The following SPIDR variants were observed in gnomAD, a reference collection of about 807,000 sequenced individuals.
SPIDR encodes scaffold protein involved in DNA repair.
A neutral mutation model predicts 104.6 loss-of-function variants in SPIDR; 93 were observed. The observed-to-expected ratio is 0.89, with a 90% confidence interval of 0.75 to 1.06. SPIDR has a LOEUF of 1.06. Among genes scored for constraint, SPIDR ranks in the 50% least tolerant of loss-of-function variants. SPIDR has a pLI of 0.00. For missense variants in SPIDR, 1,154 were observed against 1,111.2 expected (o/e 1.04, Z -0.55); for synonymous variants, 431 against 416.9 (o/e 1.03, Z -0.41).
intron 10 of SPIDR, among the ~76,000 whole-genome samples, chr8:47,599,675 T>C (rs2062031064): frequency 6.6e-6 from 1 of 152,244 alleles, no homozygotes; most frequent in South Asian, 2.1e-4. Flanking sequence ...GTCGTCTGTC[T>C]GCACCATCCA....
At chr8:47,548,463 C>CA (rs1342121631) in intron 8 of SPIDR, among the ~76,000 whole-genome samples, 1 of 152,202 alleles carries the variant, frequency 6.6e-6, no homozygotes, top group Non-Finnish European at 1.5e-5. Context: ...GCCTGGCCAA[C>CA]ATGGTGAAAC....
intron 10 of SPIDR, among the ~76,000 whole-genome samples, chr8:47,624,241 G>A (rs190051252): frequency 9.8e-4 from 150 of 152,342 alleles, no homozygotes; most frequent in Admixed American, 2.5e-3. Flanking sequence ...AAAGCAGTGT[G>A]TAGAGGGAAA....
chr8:47,683,936 G>A (rs1048354511), intron 11 of SPIDR, among the ~76,000 whole-genome samples: 3 of 151,692 alleles, frequency 2.0e-5, no homozygotes, highest in Non-Finnish European at 2.9e-5. Context: ...ACCATCCTGG[G>A]TAACATGATG....
chr8:47,457,627 C>A (rs1311191075), intron 8 of SPIDR, among the ~76,000 whole-genome samples: 1 of 151,954 alleles, frequency 6.6e-6, no homozygotes, highest in Non-Finnish European at 1.5e-5. Context: ...GTTTTTGTTG[C>A]ATTTGCTTTT....
At chr8:47,363,531 G>C (rs1168996040) in intron 5 of SPIDR, among the ~76,000 whole-genome samples, 6 of 151,106 alleles carry the variant, frequency 4.0e-5, no homozygotes, top group Non-Finnish European at 8.8e-5. Flanking sequence ...AGGTCAAAGA[G>C]TATTTCAGAC....
At chr8:47,663,732 C>G (rs925948167) in intron 10 of SPIDR, among the ~76,000 whole-genome samples, 39 of 152,328 alleles carry the variant, frequency 2.6e-4, no homozygotes, top group African/African-American at 8.4e-4. Context: ...CAAATACTCT[C>G]AAGACTTATA....
chr8:47,582,893 GACAC>G (rs138228476), intron 8 of SPIDR, among the ~76,000 whole-genome samples: 1 of 141,912 alleles, frequency 7.0e-6, no homozygotes, highest in Non-Finnish European at 1.6e-5. Flanking sequence ...CTTTCCACCA[GACAC>G]ACACACACAC....
intron 11 of SPIDR, among the ~76,000 whole-genome samples, chr8:47,677,111 C>T (rs770691141): frequency 6.6e-6 from 1 of 152,202 alleles, no homozygotes; most frequent in Non-Finnish European, 1.5e-5. Flanking sequence ...CTTCCTTCCT[C>T]TCCGGGGCAC....
At chr8:47,288,603 A>G (rs1188260819) in intron 3 of SPIDR, among the ~76,000 whole-genome samples, 8 of 152,172 alleles carry the variant, frequency 5.3e-5, no homozygotes, top group Non-Finnish European at 1.2e-4. Flanking sequence ...TTCTTGACTT[A>G]TTTTTCAGAT....
intron 5 of SPIDR, among the ~76,000 whole-genome samples, chr8:47,369,305 A>G (rs2057682995): frequency 6.6e-6 from 1 of 152,232 alleles, no homozygotes; most frequent in African/African-American, 2.4e-5. Context: ...CCTTTTGTGG[A>G]CTAGCTTTAC....
intron 10 of SPIDR, among the ~76,000 whole-genome samples, chr8:47,601,210 A>G (rs1409444469): frequency 1.3e-5 from 2 of 152,218 alleles, no homozygotes; most frequent in Non-Finnish European, 2.9e-5. Context: ...ATGAATATGC[A>G]TTCTGTGTGA....
At chr8:47,451,467 G>C (rs2071711064) in intron 8 of SPIDR, among the ~76,000 whole-genome samples, 1 of 152,010 alleles carries the variant, frequency 6.6e-6, no homozygotes, top group African/African-American at 2.4e-5. Flanking sequence ...CTGCAGTCCA[G>C]CTACTTGGGA....
At chr8:47,437,587 CA>C (rs1268209083) in intron 7 of SPIDR, among the ~76,000 whole-genome samples, 1 of 152,050 alleles carries the variant, frequency 6.6e-6, no homozygotes, top group Non-Finnish European at 1.5e-5. Flanking sequence ...AGGACATGAA[CA>C]GACACTTCTC....
At chr8:47,400,949 A>C (rs1588197473) in intron 6 of SPIDR, among the ~76,000 whole-genome samples, 1 of 152,252 alleles carries the variant, frequency 6.6e-6, no homozygotes, top group Non-Finnish European at 1.5e-5. Flanking sequence ...CAATCTAGCG[A>C]GGCAGGCCAA....
intron 1 of SPIDR, among the ~76,000 whole-genome samples, chr8:47,271,295 T>C (rs948610727): frequency 6.6e-6 from 1 of 152,200 alleles, no homozygotes; most frequent in African/African-American, 2.4e-5. Context: ...TCTTCAAATA[T>C]TCTTTTTACC....
intron 8 of SPIDR, among the ~76,000 whole-genome samples, chr8:47,468,321 A>C (rs535431748): frequency 7.9e-5 from 12 of 152,190 alleles, no homozygotes; most frequent in Non-Finnish European, 1.6e-4. Context: ...TCAAACTACC[A>C]ATGACATTTT....
intron 2 of SPIDR, among the ~76,000 whole-genome samples, chr8:47,283,118 A>G (rs1236378064): frequency 6.6e-6 from 1 of 152,146 alleles, no homozygotes; most frequent in African/African-American, 2.4e-5. Flanking sequence ...GGCCTCCCAG[A>G]GTTCTGGGAT....
At chr8:47,604,489 G>A (rs1464267953) in intron 10 of SPIDR, among the ~76,000 whole-genome samples, 1 of 152,182 alleles carries the variant, frequency 6.6e-6, no homozygotes, top group Non-Finnish European at 1.5e-5. Flanking sequence ...CATGGGGCAG[G>A]GCCTAGTGAA....
At chr8:47,402,819 T>C (rs2062092917) in intron 6 of SPIDR, among the ~76,000 whole-genome samples, 1 of 152,142 alleles carries the variant, frequency 6.6e-6, no homozygotes, top group South Asian at 2.1e-4. Flanking sequence ...TTCCAATCAA[T>C]AGAAAAAGAG....
Sources: allele counts gnomAD v4.1 joint callset (sites outside exome capture counted in the v4.1 genomes callset), GRCh38; gene constraint gnomAD v4.1.1; transcripts MANE v1.5; gene names NCBI Gene and HGNC (gene_info 2026-07-23, HGNC 2026-07-21).